MYOM2: variants seen among roughly 807,000 people sequenced by gnomAD.
MYOM2 encodes myomesin-2.
A neutral mutation model predicts 187.6 loss-of-function variants in MYOM2; 254 were observed. The observed-to-expected ratio is 1.35, with a 90% CI of 1.22 to 1.50. The LOEUF is 1.50. Ranked by LOEUF, MYOM2 falls within the 40% of genes most tolerant of loss-of-function variation. The pLI is 0.00. For missense variants in MYOM2, 2,796 were observed against 1,924.0 expected (o/e 1.45, Z -8.48); for synonymous variants, 981 against 753.8 (o/e 1.30, Z -4.94).
At chr8:2,100,129 T>TTTCCCTCC (rs1796649063) in intron 19 of MYOM2, among the ~76,000 whole-genome samples, 1 of 45,528 alleles carries the variant, frequency 2.2e-5, no homozygotes, top group African/African-American at 8.2e-5. Context: ...TCCTTCCTTC[T>TTTCCCTCC]TTCCTTCCTT....
Position 2,106,417 on chromosome 8 carries a change from T to C in MYOM2, c.2891+19T>C. Reference sequence around the variant, plus strand: ...GGGATCAGTAAGTGAGGCCTGGAAGTTGGATACTGGAAACTTTTAGAAGTT... The same window carrying C: ...GGGATCAGTAAGTGAGGCCTGGAAGCTGGATACTGGAAACTTTTAGAAGTT... On this transcript the variant is annotated intron_variant, in intron 22 of 36. Transcript: ENST00000262113. 6.2e-7 allele frequency: 1 copy of C among 1,612,476 alleles called. No individual in the cohort carries two copies. Among genetic ancestry groups the C allele is most frequent in the Non-Finnish European group, 8.5e-7 (1 of 1,178,634 alleles).
chr8:2,120,680 T>TATATAAAATATATA lies in MYOM2; in HGVS notation c.3454-2572_3454-2571insATATAAAATATATA. 6.2e-5 allele frequency among the ~76,000 whole-genome samples: 3 copies of TATATAAAATATATA among 48,294 alleles called. 1 individual carries two copies. Among genetic ancestry groups the TATATAAAATATATA allele is most frequent in the Non-Finnish European group, 8.2e-5 (2 of 24,472 alleles). The allele number at this position is 48,294 out of a possible 152,430, so 31.7% of individuals were successfully genotyped here. ...CCTGTATATATATATATATATTATA[T>TATATAAAATATATA]TATATATAAATATATAATATATATA... On this transcript the variant is annotated intron_variant, in intron 28 of 36. Transcript: ENST00000262113.
intron 6 of MYOM2, among the ~76,000 whole-genome samples, chr8:2,065,953 G>T (rs900829726): frequency 1.3e-5 from 2 of 152,190 alleles, no homozygotes; most frequent in African/African-American, 4.8e-5. Context: ...GAGAGCCGTG[G>T]GGCGCAGTGT....
intron 21 of MYOM2, among the ~76,000 whole-genome samples, chr8:2,104,293 G>C (rs1433718131): frequency 6.6e-6 from 1 of 152,156 alleles, no homozygotes; most frequent in Non-Finnish European, 1.5e-5. Flanking sequence ...CACCGAGGCT[G>C]GGTAATTGTT....
intron 10 of MYOM2, among the ~76,000 whole-genome samples, chr8:2,075,470 C>G (rs1390117992): frequency 6.6e-6 from 1 of 152,000 alleles, no homozygotes; most frequent in Non-Finnish European, 1.5e-5. Flanking sequence ...CTTTTAATAC[C>G]CTGAAGATAT....
At chr8:2,077,705 G>A (rs1369698110) in intron 11 of MYOM2, among the ~76,000 whole-genome samples, 1 of 152,070 alleles carries the variant, frequency 6.6e-6, no homozygotes, top group Non-Finnish European at 1.5e-5. Context: ...TTCCTGCACT[G>A]TCTCAGCTAA....
At chr8:2,142,812 A>T (rs1238395712) in intron 35 of MYOM2, among the ~76,000 whole-genome samples, 1 of 148,638 alleles carries the variant, frequency 6.7e-6, no homozygotes, top group Non-Finnish European at 1.5e-5. Context: ...CTGGAGTGCA[A>T]TGGCATGATC....
chr8:2,144,082 A>C (rs922385318), intron 36 of MYOM2, among the ~76,000 whole-genome samples: 3 of 152,238 alleles, frequency 2.0e-5, no homozygotes, highest in Admixed American at 2.0e-4. Context: ...AAAGACAAAA[A>C]TTTATAGACG....
At chr8:2,126,899 G>C (rs1184137768) in intron 31 of MYOM2, among the ~76,000 whole-genome samples, 1 of 146,682 alleles carries the variant, frequency 6.8e-6, no homozygotes, top group Non-Finnish European at 1.5e-5. Flanking sequence ...GAGGCTGATG[G>C]AGGCTGGGGG....
chr8:2,078,585 T>C lies in MYOM2; in HGVS notation c.1263-149T>C, dbSNP rs866040230. On this transcript the variant is annotated intron_variant, in intron 11 of 36. Transcript: ENST00000262113. ...AGCTCTGTCTTCTAATGTTTATCTA[T>C]ACAAGTCAATATCTTAGCAGCAAAG... 20 of 668,042 alleles carry C rather than the reference T, an allele frequency of 3.0e-5. No individual in the cohort carries two copies. The South Asian group carries it at 3.3e-4, about 11-fold the overall frequency. 41.4% of individuals were successfully genotyped at this position (668,042 alleles called of 1,614,324 possible). A position where few individuals can be genotyped will look rare whatever the true frequency, so the allele number is the denominator to read the frequency against.
rs192148035 is a variant in MYOM2, at chr8:2,086,136, C to T, written c.1644+746C>T. On this transcript the variant is annotated intron_variant, in intron 14 of 36. Coordinates refer to ENST00000262113, the MANE Select transcript of MYOM2 (RefSeq NM_003970.4). ...TGATCTCTTTGTGGCCCCCCACTGTCGTGATCTCTGCGTGGCCCCCCACTG... is the reference window on the plus strand; with the variant it reads ...TGATCTCTTTGTGGCCCCCCACTGTTGTGATCTCTGCGTGGCCCCCCACTG... Among the ~76,000 whole-genome samples the T allele has an allele frequency of 5.5e-3, 41 of 7,414 alleles. 3 individuals are homozygous for T. The highest frequency in any genetic ancestry group is 9.2e-3 in the Admixed American group (5 of 546). 4.9% of individuals were successfully genotyped at this position (7,414 alleles called of 152,430 possible). A position where few individuals can be genotyped will look rare whatever the true frequency, so the allele number is the denominator to read the frequency against.
rs542600210 is a variant in MYOM2, at chr8:2,140,823, T to A, written c.3901T>A (p.Tyr1301Asn). The A allele has an allele frequency of 5.9e-5, 95 of 1,613,816 alleles. No homozygotes were observed. The highest frequency in any genetic ancestry group is 8.0e-5 in the Non-Finnish European group (94 of 1,179,946). The change falls in exon 33 of 37, where the codon TAC becomes AAC. Residue 1301 changes from tyrosine to asparagine, a missense_variant. Coordinates refer to ENST00000262113, the MANE Select transcript of MYOM2 (RefSeq NM_003970.4). ...CEPTEKDKGK[Y>N]TFEIFDGKDN... ...GCCGACTGAGAAGGATAAAGGAAAA[T>A]ACACTTTTGAGATTTTCGATGGCAA...
In MYOM2 at chr8:2,057,646, G is replaced by C. The variant is rs1818714914; in HGVS notation, c.426G>C (p.Glu142Asp). 6.2e-7 allele frequency: 1 copy of C among 1,614,040 alleles called. No individual in the cohort carries two copies. Among genetic ancestry groups the C allele is most frequent in the African/African-American group, 1.3e-5 (1 of 74,926 alleles). The part of the protein sequence containing the change: ...QQMMEDKLAW[E>D]RHTFEERISR... ...AGATGGAGGACAAGCTGGCCTGGGAGAGACACACATTTGAAGAGCGGATAA... is the reference window on the plus strand; with the variant it reads ...AGATGGAGGACAAGCTGGCCTGGGACAGACACACATTTGAAGAGCGGATAA... Residue 142 changes from glutamate to aspartate, a missense_variant, in exon 5 of 37, where the codon GAG (glutamate) becomes GAC (aspartate). Transcript: ENST00000262113.
At chr8:2,062,204 C>T (rs188952729) in intron 6 of MYOM2, among the ~76,000 whole-genome samples, 91 of 152,270 alleles carry the variant, frequency 6.0e-4, no homozygotes, top group African/African-American at 2.0e-3. Context: ...TCACGGGGAC[C>T]CCGTGGGCCA....
intron 25 of MYOM2, among the ~76,000 whole-genome samples, chr8:2,112,657 C>G (rs184611735): frequency 2.6e-5 from 4 of 152,172 alleles, no homozygotes; most frequent in Admixed American, 2.6e-4. Flanking sequence ...GAAACTGAAC[C>G]AAGTGGCCAG....
At chr8:2,105,069 C>A (rs1320184863) in intron 21 of MYOM2, among the ~76,000 whole-genome samples, 1 of 152,116 alleles carries the variant, frequency 6.6e-6, no homozygotes, top group Non-Finnish European at 1.5e-5. Flanking sequence ...TGAGTGCTGC[C>A]CCCAGTCATT....
At chr8:2,107,931 A>C (rs1021891266) in intron 23 of MYOM2, among the ~76,000 whole-genome samples, 1 of 152,224 alleles carries the variant, frequency 6.6e-6, no homozygotes, top group Non-Finnish European at 1.5e-5. Context: ...TTGTGTATAG[A>C]CTTCAAATAT....
At chr8:2,102,929 A>G in intron 21 of MYOM2, 148 bp downstream of exon 21, 2 of 627,952 alleles carry the variant, frequency 3.2e-6, no homozygotes, top group South Asian at 4.0e-5. Flanking sequence ...TCTGTAGATA[A>G]ATGAATGGGA....
Position 2,124,088 on chromosome 8 carries a change from A to C in MYOM2, c.3656-91A>C, listed in dbSNP as rs531854985. 193 of 1,293,238 alleles carry C rather than the reference A, an allele frequency of 1.5e-4. 4 individuals are homozygous for C. In the South Asian group the frequency reaches 1.6e-3, roughly 11 times the overall value. 80.1% of individuals were successfully genotyped at this position (1,293,238 alleles called of 1,614,324 possible). A position where few individuals can be genotyped will look rare whatever the true frequency, so the allele number is the denominator to read the frequency against. On this transcript the variant is annotated intron_variant, in intron 30 of 36. Transcript: ENST00000262113. ...GATTCATTTTTCAACTGAACATCAC[A>C]ATTTCCTGCATCGATTTAATTAAAC...
Sources: allele counts gnomAD v4.1 joint callset (sites outside exome capture counted in the v4.1 genomes callset), GRCh38; gene constraint gnomAD v4.1.1; transcripts MANE v1.5; gene names NCBI Gene and HGNC (gene_info 2026-07-23, HGNC 2026-07-21).